SUSD5: variants seen among roughly 807,000 people sequenced by gnomAD.
The protein encoded by SUSD5 is sushi domain-containing protein 5.
Under a neutral mutation model 29.5 loss-of-function variants are expected in SUSD5, and 33 were observed. That is an observed-to-expected ratio of 1.12 (90% CI 0.85 to 1.49). SUSD5 has a LOEUF of 1.49. SUSD5 is among the 40% of genes most tolerant of loss of function. The pLI is 0.00. For synonymous variants in SUSD5, 308 were observed against 325.3 expected (o/e 0.95, Z 0.57); for missense variants, 776 against 800.6 (o/e 0.97, Z 0.37).
At chr3:33,179,441 C>T (rs997344609) in intron 3 of SUSD5, among the ~76,000 whole-genome samples, 1 of 152,060 alleles carries the variant, frequency 6.6e-6, no homozygotes, top group African/African-American at 2.4e-5. Flanking sequence ...TGGTAATATA[C>T]TAAAGGGGGA....
intron 4 of SUSD5, among the ~76,000 whole-genome samples, chr3:33,157,232 T>C (rs4678713): frequency 0.24 from 36,036 of 152,078 alleles, 4,636 homozygotes; most frequent in East Asian, 0.4. Context: ...CCCTCCCCCG[T>C]TGGAGCATAT....
intron 4 of SUSD5, among the ~76,000 whole-genome samples, chr3:33,168,003 T>A (rs1575530403): frequency 6.6e-6 from 1 of 152,158 alleles, no homozygotes; most frequent in Non-Finnish European, 1.5e-5. Context: ...AAAATGCAGG[T>A]CATTCACTGT....
chr3:33,192,471 T>C (rs1397992345), intron 3 of SUSD5, among the ~76,000 whole-genome samples: 1 of 151,992 alleles, frequency 6.6e-6, no homozygotes, highest in African/African-American at 2.4e-5. Flanking sequence ...TTCTCTATTG[T>C]GGTCTTTATC....
At chr3:33,164,653 T>C (rs2031267192) in intron 4 of SUSD5, among the ~76,000 whole-genome samples, 1 of 152,102 alleles carries the variant, frequency 6.6e-6, no homozygotes, top group African/African-American at 2.4e-5. Flanking sequence ...TCCAGAATAA[T>C]ATAAAGGACT....
intron 2 of SUSD5, 110 bp downstream of exon 2, chr3:33,213,818 C>T: frequency 4.4e-6 from 5 of 1,146,378 alleles, no homozygotes; most frequent in Non-Finnish European, 6.1e-6. Flanking sequence ...CACGCTACTG[C>T]CCACTGTACT....
intron 4 of SUSD5, among the ~76,000 whole-genome samples, chr3:33,157,986 G>GC (rs1575527018): frequency 6.6e-6 from 1 of 152,216 alleles, no homozygotes; most frequent in Non-Finnish European, 1.5e-5. Context: ...GAGCTGCTTG[G>GC]GGAGCAGGCC....
intron 3 of SUSD5, among the ~76,000 whole-genome samples, chr3:33,190,550 G>A (rs1190777153): frequency 6.6e-6 from 1 of 152,042 alleles, no homozygotes; most frequent in African/African-American, 2.4e-5. Flanking sequence ...GGGCCCCCTA[G>A]GGTGGGACAT....
chr3:33,171,311 C>T (rs1367002534), intron 4 of SUSD5, among the ~76,000 whole-genome samples: 1 of 151,814 alleles, frequency 6.6e-6, no homozygotes, highest in Non-Finnish European at 1.5e-5. Context: ...CATGCCACTG[C>T]ACTCCAGCCT....
chr3:33,178,574 G>A (rs2031602674), intron 3 of SUSD5, among the ~76,000 whole-genome samples: 1 of 152,048 alleles, frequency 6.6e-6, no homozygotes, highest in South Asian at 2.1e-4. Flanking sequence ...AGCCTCCCGA[G>A]TAGCTGGGAC....
At position 33,153,116 on chromosome 3, in the gene SUSD5, T is replaced by TCTGCTTGACA; in HGVS notation, c.1506_1515dup (p.Thr506CysfsTer6). 1 of 1,613,910 alleles carries TCTGCTTGACA rather than the reference T, an allele frequency of 6.2e-7. No homozygotes were observed. The highest frequency in any genetic ancestry group is 1.1e-5 in the South Asian group (1 of 91,068). Reference sequence around the variant, plus strand: ...ATCGTTGAGGGGATGTGGTTAGGTGTCTGCTTGACAGTGTTCACTGTTAAT... The same window carrying TCTGCTTGACA: ...ATCGTTGAGGGGATGTGGTTAGGTGTCTGCTTGACACTGCTTGACAGTGTTCACTGTTAAT... On this transcript the variant is annotated frameshift_variant, in exon 5 of 5. Coordinates refer to ENST00000309558, the MANE Select transcript of SUSD5 (RefSeq NM_015551.2). LOFTEE classifies it high-confidence loss of function.
At chr3:33,208,348 G>A (rs2032261158) in intron 2 of SUSD5, among the ~76,000 whole-genome samples, 1 of 151,994 alleles carries the variant, frequency 6.6e-6, no homozygotes, top group Non-Finnish European at 1.5e-5. Context: ...CACCCCATGA[G>A]TTTGGGTATG....
intron 3 of SUSD5, among the ~76,000 whole-genome samples, chr3:33,175,433 A>G (rs1000166458): frequency 6.6e-6 from 1 of 152,052 alleles, no homozygotes; most frequent in Non-Finnish European, 1.5e-5. Context: ...GAACTCTGAC[A>G]AAGGCTAAAT....
intron 2 of SUSD5, among the ~76,000 whole-genome samples, 155 bp downstream of exon 2, chr3:33,213,773 C>CAAACAAAACAAAACAAAACA (rs577823372): frequency 4.6e-5 from 7 of 151,902 alleles, no homozygotes; most frequent in African/African-American, 1.7e-4. Flanking sequence ...GACTCCATCT[C>CAAACAAAACAAAACAAAACA]AAACAAAACA....
chr3:33,201,646 G>A (rs2032119251), intron 3 of SUSD5, among the ~76,000 whole-genome samples: 1 of 152,136 alleles, frequency 6.6e-6, no homozygotes, highest in African/African-American at 2.4e-5. Flanking sequence ...GGTGGCAGGT[G>A]AGGGGGCATC....
At position 33,186,825 on chromosome 3, in the gene SUSD5, G is replaced by A. The variant is rs572868884; in HGVS notation, c.410-11751C>T. 2.6e-5 allele frequency among the ~76,000 whole-genome samples: 4 copies of A among 152,272 alleles called. No homozygotes were observed. In the South Asian group the frequency reaches 8.3e-4, roughly 32 times the overall value. ...CTGTACTTCAGGAAGACAGCACAGA[G>A]TGACACATTTTGACCAAAACTACCT... On this transcript the variant is annotated intron_variant, in intron 3 of 4. Transcript: ENST00000309558.
At chr3:33,217,329 A>T (rs1263711483) in intron 1 of SUSD5, among the ~76,000 whole-genome samples, 1 of 152,340 alleles carries the variant, frequency 6.6e-6, no homozygotes, top group East Asian at 1.9e-4. Context: ...TTATCAGTAA[A>T]CTGCTAATAG....
intron 4 of SUSD5, among the ~76,000 whole-genome samples, chr3:33,174,194 CAAGT>C (rs759481050): frequency 1.3e-5 from 2 of 152,190 alleles, no homozygotes; most frequent in Non-Finnish European, 2.9e-5. Flanking sequence ...AAGCAGCAAG[CAAGT>C]CTCATCCGTG....
chr3:33,209,665 T>TC (rs970705926), intron 2 of SUSD5, among the ~76,000 whole-genome samples: 1 of 150,228 alleles, frequency 6.7e-6, no homozygotes, highest in Non-Finnish European at 1.5e-5. Context: ...CTTTTCTTTT[T>TC]TTTTCTTTTC....
rs577209209 is a variant in SUSD5, at chr3:33,167,291, G to C, written c.598+7595C>G. 6.6e-6 allele frequency among the ~76,000 whole-genome samples: 1 copy of C among 152,138 alleles called. No homozygotes were observed. Among genetic ancestry groups the C allele is most frequent in the East Asian group, 1.9e-4 (1 of 5,184 alleles). ...CTCTCTCACTTTTTTGTGTGTGCAG[G>C]CAACACTGGCTTAGCATTTAATATT... On this transcript the variant is annotated intron_variant, in intron 4 of 4. Coordinates refer to ENST00000309558, the MANE Select transcript of SUSD5 (RefSeq NM_015551.2). This position sits in a 1 kb window ranked among gnomAD's most constrained non-coding sequence, Gnocchi z 4.1.
Sources: allele counts gnomAD v4.1 joint callset (sites outside exome capture counted in the v4.1 genomes callset), GRCh38; gene constraint gnomAD v4.1.1; non-coding constraint Gnocchi (gnomAD v3.1); transcripts MANE v1.5; gene names NCBI Gene and HGNC (gene_info 2026-07-23, HGNC 2026-07-21).